PKP4: variants seen among roughly 807,000 people sequenced by gnomAD.
PKP4 encodes plakophilin-4.
Under a neutral mutation model 145.1 loss-of-function variants are expected in PKP4, and 90 were observed. That is an observed-to-expected ratio of 0.62 (90% CI 0.52 to 0.74). The LOEUF (loss-of-function observed/expected upper bound fraction) is 0.74, where lower values mean the gene tolerates loss of function less well. Among genes scored for constraint, PKP4 ranks in the 30% least tolerant of loss-of-function variants. The pLI is 0.00. For missense variants in PKP4, 1,340 were observed against 1,482.7 expected (o/e 0.90, Z 1.58); for synonymous variants, 563 against 577.2 (o/e 0.98, Z 0.35).
At chr2:158,519,342 A>C (rs1245019322) in intron 1 of PKP4, among the ~76,000 whole-genome samples, 1 of 152,046 alleles carries the variant, frequency 6.6e-6, no homozygotes, top group African/African-American at 2.4e-5. Context: ...TATTAGTTCT[A>C]CCTGTTCCAC....
At chr2:158,491,618 A>G (rs1694949915) in intron 1 of PKP4, among the ~76,000 whole-genome samples, 1 of 151,982 alleles carries the variant, frequency 6.6e-6, no homozygotes, top group South Asian at 2.1e-4. Context: ...ATGGCGTTAC[A>G]AAAGTCTTTA....
intron 2 of PKP4, among the ~76,000 whole-genome samples, chr2:158,552,015 TG>T (rs1186924062): frequency 6.6e-6 from 1 of 152,206 alleles, no homozygotes; most frequent in African/African-American, 2.4e-5. Context: ...CAAAACTTTA[TG>T]GGTGTAAATA....
chr2:158,502,627 CT>C (rs1696753523), intron 1 of PKP4, among the ~76,000 whole-genome samples: 1 of 152,210 alleles, frequency 6.6e-6, no homozygotes, highest in Non-Finnish European at 1.5e-5. Context: ...CACCTGACTT[CT>C]TTCCAGTCCT....
chr2:158,521,027 A>C (rs886874495), intron 1 of PKP4, among the ~76,000 whole-genome samples: 25 of 152,216 alleles, frequency 1.6e-4, no homozygotes, highest in African/African-American at 5.8e-4. Context: ...CGCCTTCACA[A>C]AGAGTGCTGC....
At chr2:158,619,635 C>G (rs2052002246) in intron 4 of PKP4, among the ~76,000 whole-genome samples, 1 of 152,146 alleles carries the variant, frequency 6.6e-6, no homozygotes, top group Non-Finnish European at 1.5e-5. Flanking sequence ...GGTAAAGCCA[C>G]AATGCAATGC....
At chr2:158,596,731 A>G (rs2049785519) in intron 3 of PKP4, among the ~76,000 whole-genome samples, 1 of 152,216 alleles carries the variant, frequency 6.6e-6, no homozygotes. Flanking sequence ...TTAAACAGCC[A>G]TTAAAGAGAT....
chr2:158,679,551 G>A lies in PKP4; in HGVS notation c.3331-878G>A, dbSNP rs544656901. On this transcript the variant is annotated intron_variant, in intron 21 of 21. Coordinates refer to ENST00000389759, the MANE Select transcript of PKP4 (RefSeq NM_003628.6). ...GCATTGAGTTCCAGGACATGACATT[G>A]GTTTCTATGTGGTAAATTTGTTACA... Among the ~76,000 whole-genome samples, 17 of 152,324 alleles carry A rather than the reference G, an allele frequency of 1.1e-4. No individual in the cohort carries two copies. The South Asian group carries it at 3.5e-3, about 32-fold the overall frequency.
Position 158,533,245 on chromosome 2 carries a change from G to T in PKP4, c.61G>T (p.Ala21Ser). 1 of 1,614,034 alleles carries T rather than the reference G, an allele frequency of 6.2e-7. No homozygotes were observed. Among genetic ancestry groups the T allele is most frequent in the Non-Finnish European group, 8.5e-7 (1 of 1,179,986 alleles). The stretch of plus-strand genomic sequence containing the variant: ...GGGGCAACCACAGACCCGCCAGGAA[G>T]CTGCCTCCACTGGCCCAGGCATGGA... ...EEGQPQTRQE[A>S]ASTGPGMEPE... The change falls in exon 2 of 22, where the codon GCT (alanine) becomes TCT (serine). Residue 21 changes from alanine (A) to serine (S), a missense_variant. Coordinates refer to ENST00000389759, the MANE Select transcript of PKP4 (RefSeq NM_003628.6).
At position 158,681,315 on chromosome 2, in the gene PKP4, G is replaced by A. The variant is rs186411313; in HGVS notation, c.*638G>A. On this transcript the variant is annotated 3_prime_UTR_variant, in exon 22 of 22. Transcript: ENST00000389759. ...ACATAGTGTACTTTGGAAGCACAAC[G>A]TCCAGGCTGGTACCGCAGCGCCATG... The A allele has an allele frequency of 4.8e-3, 740 of 152,806 alleles. 3 individuals carry two copies. Among genetic ancestry groups the A allele is most frequent in the Admixed American group, 7.9e-3 (121 of 15,298 alleles). 9.5% of individuals were successfully genotyped at this position (152,806 alleles called of 1,614,324 possible).
intron 4 of PKP4, among the ~76,000 whole-genome samples, chr2:158,604,656 A>G (rs191744673): frequency 8.1e-4 from 124 of 152,202 alleles, no homozygotes; most frequent in African/African-American, 2.8e-3. Context: ...GAGTGTCAAA[A>G]TGGAGAGCCA....
chr2:158,680,952 G>A lies in PKP4; in HGVS notation c.*275G>A. ...GACGTGATGAGAGGTTTGAGAAATGGGTGAAATGAAATGGGGGATATGTAG... is the reference window on the plus strand; with the variant it reads ...GACGTGATGAGAGGTTTGAGAAATGAGTGAAATGAAATGGGGGATATGTAG... On this transcript the variant is annotated 3_prime_UTR_variant, in exon 22 of 22. Coordinates refer to ENST00000389759, the MANE Select transcript of PKP4 (RefSeq NM_003628.6). 3.0e-6 allele frequency: 1 copy of A among 329,514 alleles called. No homozygotes were observed. Among genetic ancestry groups the A allele is most frequent in the Non-Finnish European group, 5.5e-6 (1 of 181,170 alleles). 20.4% of individuals were successfully genotyped at this position (329,514 alleles called of 1,614,324 possible). A position where few individuals can be genotyped will look rare whatever the true frequency, so the allele number is the denominator to read the frequency against.
chr2:158,667,536 A>C (rs910072223), intron 16 of PKP4, among the ~76,000 whole-genome samples: 1 of 152,188 alleles, frequency 6.6e-6, no homozygotes, highest in Admixed American at 6.5e-5. Flanking sequence ...AATCTATAGT[A>C]AACTTAAAAT....
chr2:158,509,947 C>CA (rs11404706), intron 1 of PKP4, among the ~76,000 whole-genome samples: 92,839 of 134,004 alleles, frequency 0.69, 31,202 homozygotes, highest in South Asian at 0.83. Flanking sequence ...AACTCCATCT[C>CA]AAAAAAAAAA....
At chr2:158,627,321 A>G (rs1460079362) in intron 7 of PKP4, among the ~76,000 whole-genome samples, 1 of 152,156 alleles carries the variant, frequency 6.6e-6, no homozygotes, top group Non-Finnish European at 1.5e-5. Flanking sequence ...GAGAGTAGAG[A>G]GGAGACTGGA....
At chr2:158,585,420 A>G (rs1456697657) in intron 3 of PKP4, among the ~76,000 whole-genome samples, 1 of 152,100 alleles carries the variant, frequency 6.6e-6, no homozygotes, top group Non-Finnish European at 1.5e-5. Context: ...CAGATTTTTT[A>G]TTTTTTACAC....
At chr2:158,474,747 C>T (rs1213260370) in intron 1 of PKP4, among the ~76,000 whole-genome samples, 1 of 151,994 alleles carries the variant, frequency 6.6e-6, no homozygotes, top group Non-Finnish European at 1.5e-5. Flanking sequence ...CCCACACTAG[C>T]TGCTGCTCCC....
intron 2 of PKP4, among the ~76,000 whole-genome samples, chr2:158,570,156 C>G (rs1252704737): frequency 6.6e-6 from 1 of 152,132 alleles, no homozygotes; most frequent in Non-Finnish European, 1.5e-5. Context: ...TTATCTCTGT[C>G]AAATTTGCTG....
At chr2:158,487,534 C>A (rs1694339485) in intron 1 of PKP4, among the ~76,000 whole-genome samples, 2 of 152,140 alleles carry the variant, frequency 1.3e-5, no homozygotes, top group Admixed American at 1.3e-4. Flanking sequence ...TGGGAGGTGT[C>A]ATATGCATAA....
At chr2:158,582,765 A>C (rs957276393) in intron 3 of PKP4, among the ~76,000 whole-genome samples, 2 of 152,198 alleles carry the variant, frequency 1.3e-5, no homozygotes, top group African/African-American at 4.8e-5. Flanking sequence ...TGTTAAATGG[A>C]ATATAAATGG....
Sources: gnomAD v4.1 joint callset for allele counts (sites outside exome capture counted in the v4.1 genomes callset) on GRCh38, gnomAD v4.1.1 for gene constraint, MANE v1.5 for transcripts, NCBI Gene and HGNC (gene_info 2026-07-23, HGNC 2026-07-21) for gene names.